The following GRID2 variants were observed in gnomAD, a reference collection of about 807,000 sequenced individuals.
GRID2 encodes the protein glutamate receptor ionotropic, delta-2.
A neutral mutation model predicts 114.8 loss-of-function variants in GRID2; 33 were observed. The ratio of observed to expected loss-of-function variants is 0.29; its 90% CI spans 0.22 to 0.38. The LOEUF is 0.38. Ranked by LOEUF, GRID2 falls within the 10% of genes least tolerant of loss-of-function variation. GRID2 has a pLI of 1.00. For missense variants in GRID2, 1,184 were observed against 1,257.7 expected (o/e 0.94, Z 0.89); for synonymous variants, 505 against 449.9 (o/e 1.12, Z -1.55).
At chr4:92,478,948 G>T (rs1722449297) in intron 1 of GRID2, among the ~76,000 whole-genome samples, 1 of 152,080 alleles carries the variant, frequency 6.6e-6, no homozygotes, top group East Asian at 1.9e-4. Flanking sequence ...CATCTCCAAT[G>T]ATTTCTCAGG....
chr4:92,686,507 G>A (rs1034320015), intron 2 of GRID2, among the ~76,000 whole-genome samples: 10 of 151,992 alleles, frequency 6.6e-5, no homozygotes, highest in Admixed American at 3.3e-4. Context: ...TCTTGGTTTC[G>A]TTGTTCTTGT....
chr4:92,633,012 A>G (rs896616458), intron 2 of GRID2, among the ~76,000 whole-genome samples: 6 of 152,170 alleles, frequency 3.9e-5, no homozygotes, highest in Non-Finnish European at 1.5e-5. Context: ...GATGAGACAG[A>G]TGTAGCACCA....
intron 8 of GRID2, among the ~76,000 whole-genome samples, chr4:93,365,057 C>A (rs1339656515): frequency 6.6e-6 from 1 of 151,994 alleles, no homozygotes; most frequent in Non-Finnish European, 1.5e-5. Flanking sequence ...AGCCTATTCT[C>A]TTTGTTGGTT....
intron 2 of GRID2, among the ~76,000 whole-genome samples, chr4:92,966,769 A>T (rs2149164701): frequency 6.6e-6 from 1 of 152,080 alleles, no homozygotes; most frequent in East Asian, 1.9e-4. Context: ...TTCTGCATAA[A>T]TTACTCAGTC....
At chr4:92,359,750 T>A (rs1375238023) in intron 1 of GRID2, among the ~76,000 whole-genome samples, 1 of 151,970 alleles carries the variant, frequency 6.6e-6, no homozygotes. Flanking sequence ...CTCTGCTTGC[T>A]TGGGAGGCCA....
rs869285420 is a variant in GRID2, at chr4:92,965,450, T to TAAAAAAAAAAAAAAAAAAA, written c.245-119524_245-119506dup. Among the ~76,000 whole-genome samples the TAAAAAAAAAAAAAAAAAAA allele has an allele frequency of 3.5e-4, 30 of 85,774 alleles. 3 individuals carry two copies. Among genetic ancestry groups the TAAAAAAAAAAAAAAAAAAA allele is most frequent in the Non-Finnish European group, 6.0e-4 (25 of 41,816 alleles). The allele number at this position is 85,774 out of a possible 152,430, so 56.3% of individuals were successfully genotyped here. On this transcript the variant is annotated intron_variant, in intron 2 of 15. Coordinates refer to ENST00000282020, the MANE Select transcript of GRID2 (RefSeq NM_001510.4). ...AGGGTTGCCATAAACATTCAATTTG[T>TAAAAAAAAAAAAAAAAAAA]AAAAAAAAAAAAAAAAAAAAAAAAA...
At chr4:93,061,239 C>A in intron 2 of GRID2, among the ~76,000 whole-genome samples, 1 of 132,252 alleles carries the variant, frequency 7.6e-6, no homozygotes, top group Admixed American at 8.1e-5. Context: ...CTTGAAATTT[C>A]AGGGGGTTAC....
At chr4:93,243,572 A>G (rs1747790848) in intron 8 of GRID2, among the ~76,000 whole-genome samples, 1 of 152,028 alleles carries the variant, frequency 6.6e-6, no homozygotes, top group South Asian at 2.1e-4. Context: ...AGGTCTCATA[A>G]ACTAAACAGA....
At chr4:93,080,776 A>G (rs1293808025) in intron 2 of GRID2, among the ~76,000 whole-genome samples, 1 of 152,186 alleles carries the variant, frequency 6.6e-6, no homozygotes, top group Non-Finnish European at 1.5e-5. Context: ...CTGTGCTGCT[A>G]TAACAGAATA....
At chr4:92,693,020 C>CA (rs70942926) in intron 2 of GRID2, among the ~76,000 whole-genome samples, 1,720 of 129,048 alleles carry the variant, frequency 0.013, 18 homozygotes, top group South Asian at 0.045. Flanking sequence ...GAAACTGTCT[C>CA]AAAAAAAAAA....
chr4:93,351,593 G>A (rs1461728752), intron 8 of GRID2, among the ~76,000 whole-genome samples: 3 of 152,068 alleles, frequency 2.0e-5, no homozygotes, highest in African/African-American at 7.2e-5. Flanking sequence ...TCAGAACTTT[G>A]TTTCATGAAA....
intron 2 of GRID2, among the ~76,000 whole-genome samples, chr4:92,597,507 A>G (rs770264027): frequency 7.8e-4 from 119 of 152,278 alleles, no homozygotes; most frequent in South Asian, 3.5e-3. Context: ...CTCATAAAAT[A>G]TATATTTTAG....
chr4:92,421,711 G>A (rs1255478144), intron 1 of GRID2, among the ~76,000 whole-genome samples: 1 of 152,104 alleles, frequency 6.6e-6, no homozygotes, highest in Non-Finnish European at 1.5e-5. Context: ...TGTGTCTGAT[G>A]TAGGTTTAGA....
chr4:93,515,793 T>G (rs1729661688), intron 13 of GRID2, among the ~76,000 whole-genome samples: 1 of 152,212 alleles, frequency 6.6e-6, no homozygotes. Context: ...CACTTGTTTT[T>G]GGATTAAACC....
chr4:93,464,726 A>G (rs28697135), intron 11 of GRID2, among the ~76,000 whole-genome samples: 36,192 of 152,130 alleles, frequency 0.24, 5,477 homozygotes, highest in Non-Finnish European at 0.34. Flanking sequence ...AGATAAATGC[A>G]TGACCCACCA....
At chr4:93,460,473 T>G (rs1217860831) in intron 11 of GRID2, among the ~76,000 whole-genome samples, 1 of 152,176 alleles carries the variant, frequency 6.6e-6, no homozygotes, top group Non-Finnish European at 1.5e-5. Context: ...CTCTAATTTT[T>G]TGCTTTTATT....
intron 1 of GRID2, among the ~76,000 whole-genome samples, chr4:92,337,190 C>T (rs780592154): frequency 3.9e-5 from 6 of 151,944 alleles, no homozygotes; most frequent in Non-Finnish European, 8.8e-5. Context: ...GTTTCATAAA[C>T]TCTGTCTTAT....
intron 2 of GRID2, among the ~76,000 whole-genome samples, chr4:92,974,272 A>T (rs1394107518): frequency 6.6e-6 from 1 of 152,198 alleles, no homozygotes; most frequent in Non-Finnish European, 1.5e-5. Context: ...TGTGGAAGAC[A>T]GTGTGGCAAT....
At chr4:93,575,569 A>G (rs1000881478) in intron 13 of GRID2, among the ~76,000 whole-genome samples, 2 of 152,050 alleles carry the variant, frequency 1.3e-5, no homozygotes, top group Non-Finnish European at 2.9e-5. Context: ...CAGTTTTCCC[A>G]TTTGCAAAAT....
Sources: allele counts gnomAD v4.1 joint callset (sites outside exome capture counted in the v4.1 genomes callset), GRCh38; gene constraint gnomAD v4.1.1; transcripts MANE v1.5; gene names NCBI Gene and HGNC (gene_info 2026-07-23, HGNC 2026-07-21).